Variants in XKR9 observed in about 807,000 individuals in gnomAD.
XKR9 encodes XK-related protein 9.
A neutral mutation model predicts 32.0 loss-of-function variants in XKR9; 32 were observed. The ratio of observed to expected loss-of-function variants is 1.00; its 90% CI spans 0.76 to 1.34. The LOEUF (loss-of-function observed/expected upper bound fraction) is 1.34, where lower values mean the gene tolerates loss of function less well. XKR9 is among the 40% of genes most tolerant of loss of function. XKR9 has a pLI of 0.00. For missense variants in XKR9, 546 were observed against 429.7 expected (o/e 1.27, Z -2.39); for synonymous variants, 168 against 143.4 (o/e 1.17, Z -1.22).
chr8:71,006,333 G>A, the XKR9 span, among the ~76,000 whole-genome samples: 63 of 49,518 alleles, frequency 1.3e-3, no homozygotes, highest in Non-Finnish European at 2.7e-3. Context: ...ATTTAAAAAA[G>A]ATTTTTTTTT....
chr8:70,768,681 G>A (rs1807411142), intron 2 of XKR9, among the ~76,000 whole-genome samples: 1 of 151,538 alleles, frequency 6.6e-6, no homozygotes, highest in South Asian at 2.1e-4. Flanking sequence ...ATTAAGTAAT[G>A]CCCTTCTTTG....
the XKR9 span, among the ~76,000 whole-genome samples, chr8:70,959,880 A>C: frequency 6.6e-6 from 1 of 152,304 alleles, no homozygotes; most frequent in Non-Finnish European, 1.5e-5. Context: ...TTTAAAAATA[A>C]GTATGTGGTT....
At chr8:70,960,570 A>G in the XKR9 span, among the ~76,000 whole-genome samples, 1 of 152,304 alleles carries the variant, frequency 6.6e-6, no homozygotes, top group African/African-American at 2.4e-5. Context: ...AAGGATATAT[A>G]GGATGTTGTC....
At chr8:70,994,747 G>GTTTTTTTTTTTTTTTTCT in the XKR9 span, among the ~76,000 whole-genome samples, 1 of 126,884 alleles carries the variant, frequency 7.9e-6, no homozygotes, top group African/African-American at 2.9e-5. Flanking sequence ...GTTATATTCT[G>GTTTTTTTTTTTTTTTTCT]TTTTTTTTTT....
the XKR9 span, among the ~76,000 whole-genome samples, chr8:71,032,822 C>T: frequency 7.2e-5 from 11 of 152,136 alleles, no homozygotes; most frequent in South Asian, 2.1e-4. Flanking sequence ...CAGTGGCTCA[C>T]GCCTGTAATC....
intron 2 of XKR9, among the ~76,000 whole-genome samples, chr8:70,746,382 T>G (rs1403010858): frequency 6.8e-6 from 1 of 147,442 alleles, no homozygotes; most frequent in African/African-American, 2.5e-5. Context: ...TAATATAAAA[T>G]ATAATTATAT....
chr8:70,997,562 A>G, the XKR9 span, among the ~76,000 whole-genome samples: 1,568 of 151,098 alleles, frequency 0.01, 33 homozygotes, highest in African/African-American at 0.036. Context: ...GAGCTAAGCT[A>G]TGAGGATGTA....
At chr8:70,893,600 C>T in the XKR9 span, among the ~76,000 whole-genome samples, 927 of 152,322 alleles carry the variant, frequency 6.1e-3, 4 homozygotes, top group Non-Finnish European at 0.01. Flanking sequence ...GCAGATACTT[C>T]AGCAGCTGTG....
chr8:70,685,504 T>TAAA (rs1241827239), intron 3 of XKR9, among the ~76,000 whole-genome samples: 1 of 135,114 alleles, frequency 7.4e-6, no homozygotes, highest in Non-Finnish European at 1.6e-5. Context: ...ATAATAATAA[T>TAAA]AATAATAAAG....
chr8:70,884,224 G>T, the XKR9 span, among the ~76,000 whole-genome samples: 2 of 151,750 alleles, frequency 1.3e-5, no homozygotes. Context: ...GTTTTAAATT[G>T]GATTTTAGTT....
chr8:70,877,141 A>G, the XKR9 span, among the ~76,000 whole-genome samples: 1 of 152,082 alleles, frequency 6.6e-6, no homozygotes, highest in Non-Finnish European at 1.5e-5. Flanking sequence ...AGAGAATGAG[A>G]GTGGATCTGA....
chr8:70,831,064 G>T, the XKR9 span, among the ~76,000 whole-genome samples: 1 of 152,188 alleles, frequency 6.6e-6, no homozygotes, highest in Non-Finnish European at 1.5e-5. Flanking sequence ...GCCAAGGTGG[G>T]TGGATCACCT....
At chr8:70,877,905 A>T in the XKR9 span, among the ~76,000 whole-genome samples, 1 of 152,240 alleles carries the variant, frequency 6.6e-6, no homozygotes, top group African/African-American at 2.4e-5. Context: ...AAGGGCAGCC[A>T]GAGAGAAAGG....
At chr8:70,881,770 C>T in the XKR9 span, among the ~76,000 whole-genome samples, 1 of 152,126 alleles carries the variant, frequency 6.6e-6, no homozygotes, top group African/African-American at 2.4e-5. Context: ...ACTGGGTATA[C>T]ACCCAAAGGA....
chr8:70,816,021 G>A, the XKR9 span, among the ~76,000 whole-genome samples: 1 of 152,044 alleles, frequency 6.6e-6, no homozygotes, highest in Non-Finnish European at 1.5e-5. Flanking sequence ...TAATGGGATT[G>A]CTGGGTAGAA....
the XKR9 span, among the ~76,000 whole-genome samples, chr8:71,039,959 A>G: frequency 2.0e-5 from 3 of 152,190 alleles, no homozygotes; most frequent in African/African-American, 7.2e-5. Flanking sequence ...TTGTTTTGTA[A>G]TGGAAAAAGC....
At chr8:70,938,004 T>C in the XKR9 span, among the ~76,000 whole-genome samples, 13 of 151,942 alleles carry the variant, frequency 8.6e-5, no homozygotes, top group African/African-American at 2.9e-4. Flanking sequence ...CTTCAAGGAG[T>C]CTTGTTGGGG....
the XKR9 span, among the ~76,000 whole-genome samples, chr8:70,806,016 G>T: frequency 6.6e-6 from 1 of 152,146 alleles, no homozygotes; most frequent in Non-Finnish European, 1.5e-5. Flanking sequence ...CTGGCATCAG[G>T]TTGATGCCCC....
chr8:70,750,625 G>A (rs1807126147), intron 2 of XKR9, among the ~76,000 whole-genome samples: 1 of 152,054 alleles, frequency 6.6e-6, no homozygotes, highest in Admixed American at 6.6e-5. Context: ...TTAGAAAACA[G>A]CTTTCTTGAT....
Sources: gnomAD v4.1 joint callset for allele counts (sites outside exome capture counted in the v4.1 genomes callset) on GRCh38, gnomAD v4.1.1 for gene constraint, MANE v1.5 for transcripts, NCBI Gene and HGNC (gene_info 2026-07-23, HGNC 2026-07-21) for gene names.